The following NRIP3 variants were observed in gnomAD, a reference collection of about 807,000 sequenced individuals.
NRIP3 encodes nuclear receptor interacting protein 3.
Under a neutral mutation model 29.0 loss-of-function variants are expected in NRIP3, and 31 were observed. The ratio of observed to expected loss-of-function variants is 1.07; its 90% CI spans 0.80 to 1.44. NRIP3 has a LOEUF of 1.44. NRIP3 is among the 40% of genes most tolerant of loss of function. NRIP3 has a pLI of 0.00. For synonymous variants in NRIP3, 131 were observed against 118.3 expected (o/e 1.11, Z -0.70); for missense variants, 314 against 297.9 (o/e 1.05, Z -0.40).
chr11:8,984,089 T>C lies in NRIP3; in HGVS notation c.598A>G (p.Thr200Ala), dbSNP rs764962102. 2 of 1,612,654 alleles carry C rather than the reference T, an allele frequency of 1.2e-6. No homozygotes were observed. Among genetic ancestry groups the C allele is most frequent in the Non-Finnish European group, 8.5e-7 (1 of 1,179,078 alleles). Reference sequence around the variant, plus strand: ...AATCTTACCTTCAGAGATCGGAGAGTCTGTAGACCAAGGGACAAGTTTTTC... The same window carrying C: ...AATCTTACCTTCAGAGATCGGAGAGCCTGTAGACCAAGGGACAAGTTTTTC... The part of the protein sequence containing the change: ...NEKNLSLGLQ[T>A]LRSLKCIINL... The change falls in exon 5 of 7, where the codon ACT becomes GCT. Residue 200 changes from threonine (T) to alanine (A), a missense_variant. Physicochemically the swap from Thr to Ala is moderately conservative, Grantham distance 58 (BLOSUM62 0). Coordinates refer to ENST00000309166, the MANE Select transcript of NRIP3 (RefSeq NM_020645.3).
chr11:8,991,531 G>T (rs984014171), intron 1 of NRIP3, among the ~76,000 whole-genome samples: 3 of 151,828 alleles, frequency 2.0e-5, no homozygotes, highest in Admixed American at 6.6e-5. Flanking sequence ...TCACTAAAAT[G>T]ACAGTAAAAG....
rs563413359 is a variant in NRIP3 at position 8,982,487 on chromosome 11, T to C, written c.*1058A>G. 2.0e-5 allele frequency: 3 copies of C among 153,678 alleles called. No individual in the cohort carries two copies. In the East Asian group the frequency reaches 5.7e-4, roughly 29 times the overall value. 9.5% of individuals were successfully genotyped at this position (153,678 alleles called of 1,614,324 possible). ...TCTTTCTCTACTCCTGGTTTCCAGCTACTTCAGTCCTTGACAGACACATAA... is the reference window on the plus strand; with the variant it reads ...TCTTTCTCTACTCCTGGTTTCCAGCCACTTCAGTCCTTGACAGACACATAA... On this transcript the variant is annotated 3_prime_UTR_variant, in exon 7 of 7. Transcript: ENST00000309166.
At chr11:8,997,162 GTCAGGAGA>G (rs1854721394) in intron 1 of NRIP3, among the ~76,000 whole-genome samples, 1 of 152,012 alleles carries the variant, frequency 6.6e-6, no homozygotes, top group African/African-American at 2.4e-5. Context: ...GGAGCACGAA[GTCAGGAGA>G]TCAAGACCAT....
At chr11:9,003,716 G>C (rs1459484583) in intron 1 of NRIP3, 46 bp downstream of exon 1, 1 of 1,360,766 alleles carries the variant, frequency 7.3e-7, no homozygotes, top group Non-Finnish European at 9.5e-7. Flanking sequence ...AAAACGGCGG[G>C]CGCGAAGCCG....
chr11:8,994,294 T>A (rs1284473044), intron 1 of NRIP3, among the ~76,000 whole-genome samples: 1 of 152,218 alleles, frequency 6.6e-6, no homozygotes, highest in Non-Finnish European at 1.5e-5. Context: ...CCTTCAGCAG[T>A]TTTTTGCCCA....
rs530017901 is a variant in NRIP3 at position 8,993,188 on chromosome 11, T to C, written c.175-4906A>G. On this transcript the variant is annotated intron_variant, in intron 1 of 6. Coordinates refer to ENST00000309166, the MANE Select transcript of NRIP3 (RefSeq NM_020645.3). ...TAAAAGCAGCCAGTCCAAAATGAAATGAAAAGATAGGGGGCTCTAGGAAGG... is the reference window on the plus strand; with the variant it reads ...TAAAAGCAGCCAGTCCAAAATGAAACGAAAAGATAGGGGGCTCTAGGAAGG... Among the ~76,000 whole-genome samples the C allele has an allele frequency of 1.9e-4, 29 of 152,170 alleles. 2 individuals carry two copies. The East Asian group carries it at 2.1e-3, about 11-fold the overall frequency.
At chr11:8,992,831 T>A (rs948948737) in intron 1 of NRIP3, among the ~76,000 whole-genome samples, 3 of 151,736 alleles carry the variant, frequency 2.0e-5, no homozygotes, top group Admixed American at 6.6e-5. Flanking sequence ...GGAGAATCAC[T>A]GGAACTCACC....
At chr11:8,987,232 C>G (rs945516217) in intron 3 of NRIP3, among the ~76,000 whole-genome samples, 6 of 152,158 alleles carry the variant, frequency 3.9e-5, no homozygotes, top group African/African-American at 1.4e-4. Context: ...AATTTGCTAT[C>G]TAGTGGATCA....
In NRIP3 at chr11:8,988,219, G is replaced by A; in HGVS notation, c.238C>T (p.Pro80Ser). The A allele has an allele frequency of 1.9e-6, 3 of 1,614,152 alleles. No homozygotes were observed. Among genetic ancestry groups the A allele is most frequent in the Non-Finnish European group, 2.5e-6 (3 of 1,179,980 alleles). ...GTCTTAGAGGCCCAAGGGACACGGG[G>A]ACCGCTTCGGAGCTTAGACAGGTTG... ...ETNLSKLRSGPRVPWASKTNK... is the reference protein window; with the variant it reads ...ETNLSKLRSGSRVPWASKTNK... Residue 80 changes from proline (P) to serine (S), a missense_variant, in exon 2 of 7, where the codon CCC becomes TCC. Physicochemically the swap from Pro to Ser is moderately conservative, Grantham distance 74. Transcript: ENST00000309166.
intron 1 of NRIP3, among the ~76,000 whole-genome samples, chr11:9,000,226 A>C (rs1854770781): frequency 6.6e-6 from 1 of 152,226 alleles, no homozygotes; most frequent in Non-Finnish European, 1.5e-5. Flanking sequence ...GCAAGTATTC[A>C]AATAATGTTT....
Position 8,982,829 on chromosome 11 carries a change from CTT to C in NRIP3, c.*714_*715del, listed in dbSNP as rs35481824. On this transcript the variant is annotated 3_prime_UTR_variant, in exon 7 of 7. Transcript: ENST00000309166. ...AGAGAATATTCCTCCCATGCTCTGCCTTTTTTTTTTTTTTTTTAACACATTCT... is the reference window on the plus strand; with the variant it reads ...AGAGAATATTCCTCCCATGCTCTGCCTTTTTTTTTTTTTTTAACACATTCT... The C allele has an allele frequency of 0.076, 21,484 of 282,550 alleles. 152 individuals carry two copies. The highest frequency in any genetic ancestry group is 0.12 in the South Asian group (3,948 of 32,828). 17.5% of individuals were successfully genotyped at this position (282,550 alleles called of 1,614,324 possible).
rs1179122054 is a variant in NRIP3 at position 9,003,813 on chromosome 11, G to T, written c.123C>A (p.Ala41=). The change falls in exon 1 of 7, where the codon GCC becomes GCA. Residue 41 remains alanine (A), a synonymous_variant. Transcript: ENST00000309166. ...QAVQFIHKDS[A]DLLPLDGLKK... is the part of the protein sequence containing the mutation. ...TGAGGCCGTCCAGGGGCAGCAGGTC[G>T]GCGGAGTCCTTGTGGATGAACTGCA... The T allele has an allele frequency of 2.0e-6, 3 of 1,513,874 alleles. No individual in the cohort carries two copies. The highest frequency in any genetic ancestry group is 2.7e-6 in the Non-Finnish European group (3 of 1,130,682). 93.8% of individuals were successfully genotyped at this position (1,513,874 alleles called of 1,614,324 possible).
At chr11:9,003,665 C>A (rs1854853168) in intron 1 of NRIP3, 97 bp downstream of exon 1, 3 of 1,201,830 alleles carry the variant, frequency 2.5e-6, no homozygotes, top group Non-Finnish European at 3.3e-6. Flanking sequence ...AGCGGCGGGC[C>A]GGGCCGTGAC....
chr11:8,995,106 C>T (rs1455961085), intron 1 of NRIP3, among the ~76,000 whole-genome samples: 2 of 152,126 alleles, frequency 1.3e-5, no homozygotes, highest in East Asian at 1.9e-4. Context: ...ATTTACGTTA[C>T]TGCTAAGCCC....
chr11:9,002,330 G>A (rs1854819405), intron 1 of NRIP3, among the ~76,000 whole-genome samples: 1 of 152,040 alleles, frequency 6.6e-6, no homozygotes, highest in African/African-American at 2.4e-5. Context: ...AGTGAAAGAA[G>A]GGAAAAGAGA....
intron 1 of NRIP3, among the ~76,000 whole-genome samples, chr11:9,000,347 A>G (rs537951037): frequency 7.9e-5 from 12 of 152,198 alleles, no homozygotes; most frequent in Admixed American, 2.0e-4. Flanking sequence ...TCTCCAGCCC[A>G]TGATTTGTGG....
rs1854513568 is a variant in NRIP3 at position 8,985,839 on chromosome 11, T to C, written c.434A>G (p.His145Arg). Residue 145 changes from histidine to arginine, a missense_variant, in exon 4 of 7, where the codon CAT becomes CGT. Coordinates refer to ENST00000309166, the MANE Select transcript of NRIP3 (RefSeq NM_020645.3). ...ACVDRLGLKE[H>R]VKSHKHEGEK... ...TCCTTCATGCTTGTGGGATTTGACA[T>C]GCTCCTTGAGTCTGTACCAAAGAGG... 1.2e-6 allele frequency: 2 copies of C among 1,614,136 alleles called. No individual in the cohort carries two copies. The highest frequency in any genetic ancestry group is 8.5e-7 in the Non-Finnish European group (1 of 1,180,032).
chr11:8,998,947 T>C (rs1854755221), intron 1 of NRIP3, among the ~76,000 whole-genome samples: 1 of 151,880 alleles, frequency 6.6e-6, no homozygotes, highest in Non-Finnish European at 1.5e-5. Flanking sequence ...GGACTACAGG[T>C]GCCCGCCACC....
At chr11:8,990,408 T>C (rs1854580767) in intron 1 of NRIP3, among the ~76,000 whole-genome samples, 1 of 152,246 alleles carries the variant, frequency 6.6e-6, no homozygotes, top group Admixed American at 6.5e-5. Context: ...CTGCTGACTA[T>C]TCCTTTACTT....
Sources: allele counts gnomAD v4.1 joint callset (sites outside exome capture counted in the v4.1 genomes callset), GRCh38; gene constraint gnomAD v4.1.1; transcripts MANE v1.5; gene names NCBI Gene and HGNC (gene_info 2026-07-23, HGNC 2026-07-21).